MAPK4: variants seen among roughly 807,000 people sequenced by gnomAD.
The protein encoded by MAPK4 is Erk3-related.
MAPK4 carries 22 observed loss-of-function variants against 47.7 expected under a neutral mutation model. The observed-to-expected ratio is 0.46, with a 90% CI of 0.33 to 0.66. The LOEUF (loss-of-function observed/expected upper bound fraction) is 0.66, where lower values mean the gene tolerates loss of function less well. Among genes scored for constraint, MAPK4 ranks in the 30% least tolerant of loss-of-function variants. MAPK4 has a pLI of 0.02. For synonymous variants in MAPK4, 390 were observed against 365.7 expected (o/e 1.07, Z -0.76); for missense variants, 736 against 831.7 (o/e 0.88, Z 1.42).
At chr18:50,563,301 T>G (rs1158378525) in intron 1 of MAPK4, among the ~76,000 whole-genome samples, 3 of 152,166 alleles carry the variant, frequency 2.0e-5, no homozygotes, top group African/African-American at 7.2e-5. Context: ...TCCTCCCAAA[T>G]TGAGGGAAAT....
intron 1 of MAPK4, among the ~76,000 whole-genome samples, chr18:50,627,953 A>G (rs1311993018): frequency 2.0e-5 from 3 of 152,116 alleles, no homozygotes; most frequent in Non-Finnish European, 2.9e-5. Context: ...GGGAGAGGTG[A>G]CTCAAGGTGT....
intron 5 of MAPK4, among the ~76,000 whole-genome samples, chr18:50,728,324 C>T (rs1276030947): frequency 6.6e-6 from 1 of 152,242 alleles, no homozygotes; most frequent in Non-Finnish European, 1.5e-5. Flanking sequence ...ACTTCACTCT[C>T]CATGGCTGCA....
At chr18:50,672,218 G>T (rs374832630) in intron 2 of MAPK4, among the ~76,000 whole-genome samples, 13 of 152,264 alleles carry the variant, frequency 8.5e-5, no homozygotes, top group African/African-American at 2.9e-4. Context: ...GGCTGGTGCT[G>T]GGAGCAGAAC....
intron 1 of MAPK4, among the ~76,000 whole-genome samples, chr18:50,638,097 T>C (rs577847794): frequency 6.6e-6 from 1 of 152,324 alleles, no homozygotes; most frequent in African/African-American, 2.4e-5. Context: ...TCTCCACTGG[T>C]TCTAACTTCA....
chr18:50,731,720 CTG>C lies in MAPK4; in HGVS notation c.*1868_*1869del, dbSNP rs1911574410. The C allele has an allele frequency of 6.6e-6, 1 of 152,180 alleles. No individual in the cohort carries two copies. The highest frequency in any genetic ancestry group is 2.1e-4 in the South Asian group (1 of 4,828). 9.4% of individuals were successfully genotyped at this position (152,180 alleles called of 1,614,324 possible). ...GCCTTGACCAGGAGTTCATATATAACTGTTATTACAGAGGAATTGTTATAACT... is the reference window on the plus strand; with the variant it reads ...GCCTTGACCAGGAGTTCATATATAACTTATTACAGAGGAATTGTTATAACT... On this transcript the variant is annotated 3_prime_UTR_variant, in exon 6 of 6. Transcript: ENST00000400384.
intron 2 of MAPK4, among the ~76,000 whole-genome samples, chr18:50,698,980 G>A (rs190502643): frequency 1.3e-4 from 20 of 151,996 alleles, no homozygotes; most frequent in African/African-American, 3.6e-4. Flanking sequence ...AGTCAAGATC[G>A]TGCCACTGCA....
At chr18:50,609,072 A>G (rs2042608026) in intron 1 of MAPK4, among the ~76,000 whole-genome samples, 2 of 152,294 alleles carry the variant, frequency 1.3e-5, no homozygotes, top group Non-Finnish European at 2.9e-5. Context: ...CCCAAGGCAG[A>G]AGAATTTTTC....
At position 50,730,027 on chromosome 18, in the gene MAPK4, G is replaced by T; in HGVS notation, c.*173G>T. On this transcript the variant is annotated 3_prime_UTR_variant, in exon 6 of 6. Transcript: ENST00000400384. ...ATTTCTTAAACTGCCTTAATAACTAGCCTTTAACCTGTGGGAGCGGGTTTG... is the reference window on the plus strand; with the variant it reads ...ATTTCTTAAACTGCCTTAATAACTATCCTTTAACCTGTGGGAGCGGGTTTG... The T allele has an allele frequency of 1.6e-6, 1 of 641,942 alleles. No homozygotes were observed. 39.8% of individuals were successfully genotyped at this position (641,942 alleles called of 1,614,324 possible). A position where few individuals can be genotyped will look rare whatever the true frequency, so the allele number is the denominator to read the frequency against.
At chr18:50,633,404 G>T (rs1315614404) in intron 1 of MAPK4, among the ~76,000 whole-genome samples, 2 of 152,208 alleles carry the variant, frequency 1.3e-5, no homozygotes, top group African/African-American at 4.8e-5. Context: ...GTGGCAGAAG[G>T]GTTTGAAGAG....
chr18:50,689,747 GC>G (rs1266539935), intron 2 of MAPK4, among the ~76,000 whole-genome samples: 1 of 152,154 alleles, frequency 6.6e-6, no homozygotes, highest in Non-Finnish European at 1.5e-5. Flanking sequence ...AAAAAGGGGG[GC>G]TGTTCTTCTT....
intron 1 of MAPK4, among the ~76,000 whole-genome samples, chr18:50,616,957 A>G (rs2042690248): frequency 6.6e-6 from 1 of 152,232 alleles, no homozygotes; most frequent in South Asian, 2.1e-4. Flanking sequence ...TTGACACAGT[A>G]TTAACCATCA....
intron 1 of MAPK4, among the ~76,000 whole-genome samples, chr18:50,639,897 T>G (rs2042923243): frequency 2.0e-5 from 3 of 152,368 alleles, no homozygotes; most frequent in Non-Finnish European, 2.9e-5. Flanking sequence ...ATTTATATAC[T>G]CTTCGCTCGT....
chr18:50,663,986 A>G lies in MAPK4; in HGVS notation c.28A>G (p.Ser10Gly), dbSNP rs541638701. 2 of 1,613,160 alleles carry G rather than the reference A, an allele frequency of 1.2e-6. No homozygotes were observed. The highest frequency in any genetic ancestry group is 2.7e-5 in the African/African-American group (2 of 74,962). Reference protein sequence around the residue: MAEKGDCIASVYGYDLGGRF... With the variant: MAEKGDCIAGVYGYDLGGRF... ...GGCTGAGAAGGGTGACTGCATCGCCAGTGTCTATGGGTATGACCTCGGTGG... is the reference window on the plus strand; with the variant it reads ...GGCTGAGAAGGGTGACTGCATCGCCGGTGTCTATGGGTATGACCTCGGTGG... The change falls in exon 2 of 6, where the codon AGT becomes GGT. Residue 10 changes from serine (S) to glycine (G), a missense_variant. Coordinates refer to ENST00000400384, the MANE Select transcript of MAPK4 (RefSeq NM_002747.4).
intron 2 of MAPK4, among the ~76,000 whole-genome samples, chr18:50,701,340 A>T (rs1909778060): frequency 6.6e-6 from 1 of 152,162 alleles, no homozygotes; most frequent in African/African-American, 2.4e-5. Context: ...TCACATGGTC[A>T]TGTGTTTTTG....
intron 2 of MAPK4, among the ~76,000 whole-genome samples, chr18:50,685,122 CT>C (rs1908802328): frequency 6.6e-6 from 1 of 152,252 alleles, no homozygotes; most frequent in Non-Finnish European, 1.5e-5. Context: ...TTCAGGTGAT[CT>C]GATTTCTAGT....
intron 2 of MAPK4, among the ~76,000 whole-genome samples, chr18:50,667,512 G>GCAT (rs1907672534): frequency 6.6e-6 from 1 of 152,176 alleles, no homozygotes; most frequent in African/African-American, 2.4e-5. Context: ...TCTCCAGTGT[G>GCAT]CTTGGAGGAT....
chr18:50,641,704 G>C (rs974292112), intron 1 of MAPK4, among the ~76,000 whole-genome samples: 1 of 152,044 alleles, frequency 6.6e-6, no homozygotes, highest in African/African-American at 2.4e-5. Context: ...TAACTTATCT[G>C]TTAGGATTTC....
At chr18:50,669,593 A>G (rs1179270191) in intron 2 of MAPK4, 2 of 152,292 alleles carry the variant, frequency 1.3e-5, no homozygotes, top group Non-Finnish European at 2.9e-5. Context: ...CTCCTGATCC[A>G]GTAACCTTCT....
intron 2 of MAPK4, among the ~76,000 whole-genome samples, chr18:50,680,538 C>A (rs560444507): frequency 6.6e-6 from 1 of 152,178 alleles, no homozygotes; most frequent in African/African-American, 2.4e-5. Context: ...TCATTACCCC[C>A]AAAAGAAACA....
Sources: gnomAD v4.1 joint callset for allele counts (sites outside exome capture counted in the v4.1 genomes callset) on GRCh38, gnomAD v4.1.1 for gene constraint, MANE v1.5 for transcripts, NCBI Gene and HGNC (gene_info 2026-07-23, HGNC 2026-07-21) for gene names.